Variants in TMPRSS15 observed in about 807,000 individuals in gnomAD.
TMPRSS15 encodes the protein transmembrane serine protease 15.
Under a neutral mutation model 125.3 loss-of-function variants are expected in TMPRSS15, and 128 were observed. The observed-to-expected ratio is 1.02, with a 90% CI of 0.89 to 1.18. The LOEUF (loss-of-function observed/expected upper bound fraction) is 1.18. Among genes scored for constraint, TMPRSS15 ranks in the 50% most tolerant of loss-of-function variants. The pLI is 0.00. For synonymous variants in TMPRSS15, 446 were observed against 423.2 expected (o/e 1.05, Z -0.66); for missense variants, 1,283 against 1,212.7 (o/e 1.06, Z -0.86).
intron 6 of TMPRSS15, among the ~76,000 whole-genome samples, chr21:18,366,421 T>C (rs2075738802): frequency 6.6e-6 from 1 of 152,214 alleles, no homozygotes; most frequent in African/African-American, 2.4e-5. Context: ...ATTACTCATT[T>C]TCCTCTTTTG....
rs112152598 is a variant in TMPRSS15 at position 18,311,248 on chromosome 21, G to A, written c.2165+1697C>T. On this transcript the variant is annotated intron_variant, in intron 18 of 24. Coordinates refer to ENST00000284885, the MANE Select transcript of TMPRSS15 (RefSeq NM_002772.3). Reference sequence around the variant, plus strand: ...AAATGGACAAATGGGATCACATCACGCTAAAAAGCTTCTACACAGCAAAGG... The same window carrying A: ...AAATGGACAAATGGGATCACATCACACTAAAAAGCTTCTACACAGCAAAGG... 1.3e-4 allele frequency among the ~76,000 whole-genome samples: 20 copies of A among 152,066 alleles called. No individual in the cohort carries two copies. In the South Asian group the frequency reaches 2.7e-3, roughly 21 times the overall value.
At chr21:18,475,378 C>T (rs1488895443) in intron 1 of TMPRSS15, among the ~76,000 whole-genome samples, 1 of 152,100 alleles carries the variant, frequency 6.6e-6, no homozygotes, top group African/African-American at 2.4e-5. Flanking sequence ...TTGCTTGAGG[C>T]CACACACGTT....
intron 18 of TMPRSS15, among the ~76,000 whole-genome samples, chr21:18,300,594 C>T (rs1446233903): frequency 6.6e-6 from 1 of 152,122 alleles, no homozygotes; most frequent in Admixed American, 6.5e-5. Flanking sequence ...ATCCACCTGC[C>T]TTGGCCTCCC....
chr21:18,269,948 C>CTGT lies in TMPRSS15; in HGVS notation c.*18_*20dup. 1.9e-6 allele frequency: 3 copies of CTGT among 1,613,064 alleles called. No homozygotes were observed. The highest frequency in any genetic ancestry group is 1.7e-4 in the Middle Eastern group (1 of 6,060). On this transcript the variant is annotated 3_prime_UTR_variant, in exon 25 of 25. Coordinates refer to ENST00000284885, the MANE Select transcript of TMPRSS15 (RefSeq NM_002772.3). Reference sequence around the variant, plus strand: ...AGAATGGGAAAATAATGCGACTTTCCTGTTTAGTTTAAGAAATGCGCTAAT... The same window carrying CTGT: ...AGAATGGGAAAATAATGCGACTTTCCTGTTGTTTAGTTTAAGAAATGCGCTAAT...
chr21:18,474,587 G>A (rs983258015), intron 1 of TMPRSS15, among the ~76,000 whole-genome samples: 14 of 152,074 alleles, frequency 9.2e-5, no homozygotes, highest in African/African-American at 3.4e-4. Context: ...ACCGCACCTG[G>A]CCTAAATTTT....
intron 16 of TMPRSS15, among the ~76,000 whole-genome samples, chr21:18,316,083 C>T (rs2075164091): frequency 6.6e-6 from 1 of 151,734 alleles, no homozygotes; most frequent in Non-Finnish European, 1.5e-5. Context: ...CAAGGTGGAG[C>T]CAGTTTTGAT....
chr21:18,351,896 G>A (rs558263107), intron 10 of TMPRSS15, among the ~76,000 whole-genome samples: 1 of 152,184 alleles, frequency 6.6e-6, no homozygotes, highest in South Asian at 2.1e-4. Flanking sequence ...CAACTTGGAA[G>A]TTTTGGACAG....
intron 1 of TMPRSS15, among the ~76,000 whole-genome samples, chr21:18,433,734 G>A (rs2076221845): frequency 6.7e-6 from 1 of 149,246 alleles, no homozygotes; most frequent in Non-Finnish European, 1.5e-5. Flanking sequence ...TTCAGATTTT[G>A]GTAAGGGCCG....
At chr21:18,387,352 A>G (rs2075952620) in intron 3 of TMPRSS15, among the ~76,000 whole-genome samples, 1 of 152,166 alleles carries the variant, frequency 6.6e-6, no homozygotes. Context: ...TAGTTATCTC[A>G]TATATTCCTT....
chr21:18,479,809 C>G (rs983952088), intron 1 of TMPRSS15, among the ~76,000 whole-genome samples: 1 of 152,018 alleles, frequency 6.6e-6, no homozygotes, highest in Non-Finnish European at 1.5e-5. Flanking sequence ...ATTAGTTCAG[C>G]CATTGTGGAA....
At chr21:18,410,308 G>A (rs2076162851) in intron 1 of TMPRSS15, among the ~76,000 whole-genome samples, 1 of 119,010 alleles carries the variant, frequency 8.4e-6, no homozygotes, top group African/African-American at 2.7e-5. Context: ...ATGTGTGTGG[G>A]ATGCCACTGG....
At chr21:18,409,843 T>C (rs2076160845) in intron 1 of TMPRSS15, among the ~76,000 whole-genome samples, 1 of 85,488 alleles carries the variant, frequency 1.2e-5, no homozygotes, top group African/African-American at 4.9e-5. Context: ...CCTCCCTCCT[T>C]TCCCCCTTCC....
chr21:18,275,378 C>A (rs530076732), intron 23 of TMPRSS15, 42 bp from the exon 24 acceptor site: 3 of 1,611,230 alleles, frequency 1.9e-6, no homozygotes, highest in South Asian at 2.2e-5. Flanking sequence ...CAGAAGTGAT[C>A]AACATGCATC....
At chr21:18,375,848 A>G (rs11088675) in intron 5 of TMPRSS15, among the ~76,000 whole-genome samples, 71,622 of 152,052 alleles carry the variant, frequency 0.47, 17,641 homozygotes, top group East Asian at 0.79. Flanking sequence ...GTGCCTACGG[A>G]GAGCAGGCTC....
At chr21:18,485,101 T>G (rs1416585453) in intron 1 of TMPRSS15, among the ~76,000 whole-genome samples, 1 of 151,916 alleles carries the variant, frequency 6.6e-6, no homozygotes, top group Non-Finnish European at 1.5e-5. Context: ...AACCATGATC[T>G]TTTTGGTGTT....
chr21:18,403,637 G>A lies in TMPRSS15; in HGVS notation c.-15C>T. 1 of 1,613,974 alleles carries A rather than the reference G, an allele frequency of 6.2e-7. No individual in the cohort carries two copies. The highest frequency in any genetic ancestry group is 8.5e-7 in the Non-Finnish European group (1 of 1,179,906). On this transcript the variant is annotated 5_prime_UTR_variant, in exon 1 of 25. Coordinates refer to ENST00000284885, the MANE Select transcript of TMPRSS15 (RefSeq NM_002772.3). ...TTCGACCCCATTTTTGGTTTTGAAG[G>A]CTTGCTAATTTAAGAACTGAAAGAG...
chr21:18,324,678 T>C (rs1422850143), intron 16 of TMPRSS15, among the ~76,000 whole-genome samples: 2 of 152,150 alleles, frequency 1.3e-5, no homozygotes, highest in Non-Finnish European at 2.9e-5. Flanking sequence ...TGTTTTTCTG[T>C]CAACTAAAGT....
At chr21:18,368,833 G>T (rs1270342276) in intron 6 of TMPRSS15, among the ~76,000 whole-genome samples, 3 of 152,130 alleles carry the variant, frequency 2.0e-5, no homozygotes, top group Non-Finnish European at 4.4e-5. Flanking sequence ...CAGGAGTATT[G>T]AAGTATTTCT....
At chr21:18,441,996 C>T (rs1454993383) in intron 1 of TMPRSS15, among the ~76,000 whole-genome samples, 1 of 152,060 alleles carries the variant, frequency 6.6e-6, no homozygotes, top group Non-Finnish European at 1.5e-5. Context: ...CGGCCCAGGA[C>T]ACATTATTTT....
Sources: allele counts gnomAD v4.1 joint callset (sites outside exome capture counted in the v4.1 genomes callset), GRCh38; gene constraint gnomAD v4.1.1; transcripts MANE v1.5; gene names NCBI Gene and HGNC (gene_info 2026-07-23, HGNC 2026-07-21).